The following FNBP4 variants were observed in gnomAD, a reference collection of about 807,000 sequenced individuals.
The protein encoded by FNBP4 is formin binding protein 4.
Under a neutral mutation model 119.3 loss-of-function variants are expected in FNBP4, and 34 were observed. That is an observed-to-expected ratio of 0.28 (90% CI 0.22 to 0.38). The LOEUF is 0.38. Ranked by LOEUF, FNBP4 falls within the 10% of genes least tolerant of loss-of-function variation. The pLI is 1.00. For synonymous variants in FNBP4, 462 were observed against 430.6 expected, an observed-to-expected ratio of 1.07 and a Z score of -0.90; for missense variants, 1,112 against 1,228.9, an observed-to-expected ratio of 0.90 and a Z score of 1.42.
chr11:47,765,374 A>AGAAAAGAAAAGAAAAG lies in FNBP4; in HGVS notation c.221-13_221-12insCTTTTCTTTTCTTTTC, dbSNP rs1554991222. The AGAAAAGAAAAGAAAAG allele has an allele frequency of 1.5e-5, 15 of 1,033,602 alleles. No homozygotes were observed. In the East Asian group the frequency reaches 3.7e-4, roughly 26 times the overall value. 64.0% of individuals were successfully genotyped at this position (1,033,602 alleles called of 1,614,324 possible). ...CGCTTCCTGTTCATCTGGATTAAAA[A>AGAAAAGAAAAGAAAAG]AAAAGAAAAGAAAAGAAAAGAAAAG... On this transcript the variant is annotated splice_polypyrimidine_tract_variant and intron_variant, in intron 1 of 16. Coordinates refer to ENST00000263773, the MANE Select transcript of FNBP4 (RefSeq NM_015308.5).
At chr11:47,735,781 G>GC (rs1218323053) in intron 9 of FNBP4, among the ~76,000 whole-genome samples, 2 of 151,760 alleles carry the variant, frequency 1.3e-5, no homozygotes, top group Non-Finnish European at 2.9e-5. Context: ...TTAATAAATG[G>GC]CATTAAAAAA....
intron 12 of FNBP4, chr11:47,725,871 G>A (rs1599164233): frequency 1.2e-6 from 1 of 810,634 alleles, no homozygotes; most frequent in South Asian, 5.6e-5. Flanking sequence ...GAAGAGACAT[G>A]AGAAATCATC....
At chr11:47,748,085 C>T (rs1253300533) in intron 6 of FNBP4, among the ~76,000 whole-genome samples, 2 of 147,026 alleles carry the variant, frequency 1.4e-5, no homozygotes, top group Admixed American at 6.9e-5. Flanking sequence ...TACTAAACTA[C>T]AAAAATTAGC....
At chr11:47,718,129 G>T (rs1482084430) in intron 16 of FNBP4, among the ~76,000 whole-genome samples, 1 of 151,900 alleles carries the variant, frequency 6.6e-6, no homozygotes, top group Admixed American at 6.6e-5. Context: ...TTCTATTAGA[G>T]TTTTTCTTAG....
At chr11:47,766,360 T>TA (rs2097647762) in intron 1 of FNBP4, among the ~76,000 whole-genome samples, 2 of 152,178 alleles carry the variant, frequency 1.3e-5, no homozygotes, top group Non-Finnish European at 2.9e-5. Context: ...CTGCAATACT[T>TA]ACAAATACAT....
At chr11:47,747,055 T>TGA (rs1286433460) in intron 6 of FNBP4, among the ~76,000 whole-genome samples, 9 of 151,966 alleles carry the variant, frequency 5.9e-5, no homozygotes, top group African/African-American at 2.2e-4. Flanking sequence ...TTTTTTTTTT[T>TGA]GAGAGAGTCT....
At chr11:47,741,794 G>A (rs909897869) in intron 8 of FNBP4, among the ~76,000 whole-genome samples, 4 of 146,548 alleles carry the variant, frequency 2.7e-5, no homozygotes, top group African/African-American at 5.1e-5. Flanking sequence ...CAGCCTGGGC[G>A]ACAGAGTAAG....
At chr11:47,765,044 A>C (rs1439697287) in intron 2 of FNBP4, among the ~76,000 whole-genome samples, 1 of 152,194 alleles carries the variant, frequency 6.6e-6, no homozygotes, top group East Asian at 1.9e-4. Context: ...AGGAAAAAAA[A>C]ACAGTAAAAA....
intron 7 of FNBP4, among the ~76,000 whole-genome samples, chr11:47,744,445 G>GT (rs1194369161): frequency 6.6e-6 from 1 of 151,708 alleles, no homozygotes; most frequent in East Asian, 1.9e-4. Flanking sequence ...TTTTTTTCTA[G>GT]TAAGAGATGA....
chr11:47,758,920 AT>A (rs576200543), intron 2 of FNBP4, among the ~76,000 whole-genome samples: 255 of 141,072 alleles, frequency 1.8e-3, no homozygotes, highest in Middle Eastern at 3.7e-3. Context: ...AGTGTCTCTA[AT>A]TTTTTTTTTT....
chr11:47,767,060 C>T lies in FNBP4; in HGVS notation c.220+9G>A. The stretch of plus-strand genomic sequence containing the variant: ...GAGCTCGAGTTCAGGTCCCCCCGCG[C>T]ACCCTTGCCTTCTGAAGGCGAGTCG... On this transcript the variant is annotated intron_variant, in intron 1 of 16. Transcript: ENST00000263773. The T allele has an allele frequency of 6.6e-7, 1 of 1,523,940 alleles. No individual in the cohort carries two copies. Among genetic ancestry groups the T allele is most frequent in the Non-Finnish European group, 8.8e-7 (1 of 1,142,314 alleles). 94.4% of individuals were successfully genotyped at this position (1,523,940 alleles called of 1,614,324 possible).
intron 12 of FNBP4, chr11:47,729,175 AG>A: frequency 1.0e-6 from 1 of 985,356 alleles, no homozygotes; most frequent in Non-Finnish European, 1.2e-6. Context: ...TTCTATGTAT[AG>A]AAAGCCTTCC....
At chr11:47,723,951 T>TGC in intron 14 of FNBP4, 77 bp downstream of exon 14, 1 of 1,336,978 alleles carries the variant, frequency 7.5e-7, no homozygotes, top group Non-Finnish European at 1.0e-6. Flanking sequence ...TAACATTTCT[T>TGC]TAGTTTTTAT....
chr11:47,721,701 A>G lies in FNBP4; in HGVS notation c.2805+1275T>C, dbSNP rs75937423. Among the ~76,000 whole-genome samples, 46 of 152,198 alleles carry G rather than the reference A, an allele frequency of 3.0e-4. 1 individual carries two copies. The East Asian group carries it at 8.7e-3, about 29-fold the overall frequency. On this transcript the variant is annotated intron_variant, in intron 15 of 16. Coordinates refer to ENST00000263773, the MANE Select transcript of FNBP4 (RefSeq NM_015308.5). ...CTTACCTTCATTGTCTAAATCGTCT[A>G]TAATAAACATACAGATTTTTTGCCC...
intron 12 of FNBP4, chr11:47,729,154 G>C: frequency 2.0e-6 from 2 of 985,124 alleles, no homozygotes; most frequent in East Asian, 1.1e-4. Context: ...ACCCGGCCTA[G>C]GCATCTTTAT....
At chr11:47,754,884 T>C (rs2097613277) in intron 2 of FNBP4, among the ~76,000 whole-genome samples, 1 of 152,114 alleles carries the variant, frequency 6.6e-6, no homozygotes, top group South Asian at 2.1e-4. Context: ...GCTCAACGCC[T>C]GTAATCCCAG....
At chr11:47,719,789 C>A in intron 16 of FNBP4, 140 bp downstream of exon 16, 1 of 899,204 alleles carries the variant, frequency 1.1e-6, no homozygotes, top group Non-Finnish European at 1.6e-6. Context: ...AAATTAGAAA[C>A]CTTTAGATAA....
At chr11:47,752,814 AAAAC>A (rs35333514) in intron 4 of FNBP4, 98 bp downstream of exon 4, 579 of 1,007,788 alleles carry the variant, frequency 5.7e-4, no homozygotes, top group Admixed American at 8.8e-4. Flanking sequence ...ATTCCATCTC[AAAAC>A]AAACAAACAA....
intron 15 of FNBP4, among the ~76,000 whole-genome samples, chr11:47,721,118 G>A (rs896863443): frequency 1.3e-5 from 2 of 150,952 alleles, no homozygotes; most frequent in Non-Finnish European, 2.9e-5. Context: ...TCAGGTGATC[G>A]AGACCATCCT....
Sources: gnomAD v4.1 joint callset for allele counts (sites outside exome capture counted in the v4.1 genomes callset) on GRCh38, gnomAD v4.1.1 for gene constraint, MANE v1.5 for transcripts, NCBI Gene and HGNC (gene_info 2026-07-23, HGNC 2026-07-21) for gene names.